ZNF407: variants seen among roughly 807,000 people sequenced by gnomAD.
ZNF407 encodes the protein zinc finger protein 407.
ZNF407 carries 17 observed loss-of-function variants against 131.2 expected under a neutral mutation model. The observed-to-expected ratio is 0.13, with a 90% CI of 0.09 to 0.19. The LOEUF (loss-of-function observed/expected upper bound fraction) is 0.19, where lower values mean the gene tolerates loss of function less well. ZNF407 is among the 10% of genes least tolerant of loss of function. ZNF407 has a pLI of 1.00. For missense variants in ZNF407, 2,681 were observed against 2,830.6 expected (o/e 0.95, Z 1.20); for synonymous variants, 1,156 against 1,062.0 (o/e 1.09, Z -1.72).
chr18:74,801,470 G>A (rs187683102), intron 4 of ZNF407, among the ~76,000 whole-genome samples: 2 of 152,168 alleles, frequency 1.3e-5, no homozygotes, highest in African/African-American at 4.8e-5. Context: ...GAAATAGAAT[G>A]TTCCCTCAAA....
Position 74,631,052 on chromosome 18 carries a change from T to C in ZNF407, c.33T>C (p.Asp11=), listed in dbSNP as rs7243081. Residue 11 remains aspartate, a synonymous_variant, in exon 2 of 9, where the codon GAT becomes GAC. Coordinates refer to ENST00000299687, the MANE Select transcript of ZNF407 (RefSeq NM_017757.3). The part of the protein sequence containing the change: MMDSENKPEN[D]EDEKINKEAQ... ...ATAGTGAGAATAAACCCGAAAATGATGAGGATGAAAAGATAAACAAAGAAG... is the reference window on the plus strand; with the variant it reads ...ATAGTGAGAATAAACCCGAAAATGACGAGGATGAAAAGATAAACAAAGAAG... 1 allele frequency: 1,605,295 copies of C among 1,610,846 alleles called. 800,155 individuals are homozygous for C. Among genetic ancestry groups the C allele is most frequent in the Middle Eastern group, 1 (6,046 of 6,046 alleles).
chr18:74,759,935 G>A (rs1203899301), intron 3 of ZNF407, among the ~76,000 whole-genome samples: 2 of 126,208 alleles, frequency 1.6e-5, no homozygotes, highest in African/African-American at 6.2e-5. Context: ...CATATTTTTC[G>A]GTTACTTTAC....
intron 6 of ZNF407, among the ~76,000 whole-genome samples, chr18:74,889,172 G>A (rs369240528): frequency 1.1e-4 from 17 of 152,256 alleles, no homozygotes; most frequent in South Asian, 4.1e-4. Context: ...AGGTTGTTTC[G>A]TCTAGGTTTG....
intron 8 of ZNF407, among the ~76,000 whole-genome samples, chr18:75,041,855 C>T (rs1431818623): frequency 6.6e-6 from 1 of 152,188 alleles, no homozygotes; most frequent in African/African-American, 2.4e-5. Flanking sequence ...AATACAAACA[C>T]CAGCGACCGC....
At chr18:74,653,563 G>C (rs1985319758) in intron 3 of ZNF407, among the ~76,000 whole-genome samples, 1 of 151,706 alleles carries the variant, frequency 6.6e-6, no homozygotes, top group Non-Finnish European at 1.5e-5. Flanking sequence ...TTAGTATAGG[G>C]ACAATGGGTT....
chr18:74,653,969 T>G (rs1985340741), intron 3 of ZNF407, among the ~76,000 whole-genome samples: 1 of 151,878 alleles, frequency 6.6e-6, no homozygotes, highest in Non-Finnish European at 1.5e-5. Flanking sequence ...CGATATAATT[T>G]TAATGAGTGC....
At chr18:74,792,227 G>A (rs1969839440) in intron 4 of ZNF407, among the ~76,000 whole-genome samples, 1 of 151,748 alleles carries the variant, frequency 6.6e-6, no homozygotes, top group African/African-American at 2.4e-5. Context: ...AGTTGTGAAG[G>A]TCTAAATAAT....
intron 8 of ZNF407, among the ~76,000 whole-genome samples, chr18:74,997,851 C>T (rs1379631970): frequency 2.0e-5 from 3 of 152,206 alleles, no homozygotes; most frequent in Non-Finnish European, 4.4e-5. Context: ...CATTCTGATC[C>T]ACAATACTAG....
chr18:74,893,582 A>C (rs1483965570), intron 7 of ZNF407, among the ~76,000 whole-genome samples: 1 of 152,192 alleles, frequency 6.6e-6, no homozygotes, highest in East Asian at 1.9e-4. Flanking sequence ...AAAGATTTAA[A>C]AATGAGCAGA....
intron 8 of ZNF407, among the ~76,000 whole-genome samples, chr18:75,044,736 T>C (rs1973412873): frequency 6.6e-6 from 1 of 152,218 alleles, no homozygotes; most frequent in African/African-American, 2.4e-5. Context: ...ATGCAAGATA[T>C]GACTAAAGCA....
chr18:74,967,789 T>C (rs1972425839), intron 8 of ZNF407, among the ~76,000 whole-genome samples: 1 of 152,230 alleles, frequency 6.6e-6, no homozygotes, highest in Non-Finnish European at 1.5e-5. Context: ...ATGAAGTGAT[T>C]TGCGTGCTGT....
chr18:74,616,384 C>CT (rs1983289578), intron 1 of ZNF407, among the ~76,000 whole-genome samples: 1 of 152,104 alleles, frequency 6.6e-6, no homozygotes, highest in African/African-American at 2.4e-5. Context: ...TTCATGGTGA[C>CT]TAAGAACTGC....
chr18:74,918,715 T>A (rs1253952868), intron 7 of ZNF407, among the ~76,000 whole-genome samples: 1 of 152,116 alleles, frequency 6.6e-6, no homozygotes, highest in Non-Finnish European at 1.5e-5. Flanking sequence ...CTTTTTTATT[T>A]TTTAAAAAGG....
chr18:74,949,846 C>T (rs752038386), intron 8 of ZNF407, among the ~76,000 whole-genome samples: 24 of 152,298 alleles, frequency 1.6e-4, no homozygotes, highest in Non-Finnish European at 2.2e-4. Context: ...CACTCTCAGA[C>T]CACAGCTGAA....
chr18:75,044,327 T>G (rs1973407848), intron 8 of ZNF407, among the ~76,000 whole-genome samples: 1 of 152,018 alleles, frequency 6.6e-6, no homozygotes, highest in African/African-American at 2.4e-5. Flanking sequence ...GGGTTTTTTT[T>G]CTTTCTTTTT....
chr18:74,912,662 A>G (rs141831335), intron 7 of ZNF407, among the ~76,000 whole-genome samples: 39 of 152,352 alleles, frequency 2.6e-4, no homozygotes, highest in Middle Eastern at 3.4e-3. Flanking sequence ...GCAACTCTAC[A>G]GGTACTAGAA....
At chr18:74,803,956 G>A in intron 4 of ZNF407, 1 of 1,551,380 alleles carries the variant, frequency 6.4e-7, no homozygotes, top group South Asian at 1.2e-5. Flanking sequence ...GATTGTCCTT[G>A]GCTTCAGAGT....
At chr18:74,747,071 A>G (rs1348475362) in intron 3 of ZNF407, among the ~76,000 whole-genome samples, 1 of 152,208 alleles carries the variant, frequency 6.6e-6, no homozygotes, top group East Asian at 1.9e-4. Context: ...GACCATTGTC[A>G]TATATGTGGT....
At chr18:74,915,692 G>GAGT (rs1971746640) in intron 7 of ZNF407, among the ~76,000 whole-genome samples, 1 of 14,578 alleles carries the variant, frequency 6.9e-5, no homozygotes. Context: ...GTTCGAATCG[G>GAGT]GAGTGTGTGT....
Sources: gnomAD v4.1 joint callset for allele counts (sites outside exome capture counted in the v4.1 genomes callset) on GRCh38, gnomAD v4.1.1 for gene constraint, MANE v1.5 for transcripts, NCBI Gene and HGNC (gene_info 2026-07-23, HGNC 2026-07-21) for gene names.